Variants in ACACA observed in about 807,000 individuals in gnomAD.
ACACA encodes the protein acetyl-CoA carboxylase alpha.
A neutral mutation model predicts 296.1 loss-of-function variants in ACACA; 103 were observed. The observed-to-expected ratio is 0.35, with a 90% CI of 0.30 to 0.41. The LOEUF is 0.41. Among genes scored for constraint, ACACA ranks in the 10% least tolerant of loss-of-function variants. ACACA has a pLI of 1.00. For synonymous variants in ACACA, 953 were observed against 1,038.6 expected (o/e 0.92, Z 1.58); for missense variants, 1,554 against 2,989.7 (o/e 0.52, Z 11.20).
chr17:37,133,049 C>T (rs1195861258), intron 45 of ACACA, among the ~76,000 whole-genome samples: 2 of 152,166 alleles, frequency 1.3e-5, no homozygotes, highest in Admixed American at 6.6e-5. Flanking sequence ...ATACCAAGAA[C>T]ATTATTTCTG....
At chr17:37,140,707 G>T (rs1343097574) in intron 45 of ACACA, 1 of 207,510 alleles carries the variant, frequency 4.8e-6, no homozygotes, top group South Asian at 1.0e-4. Flanking sequence ...AAGACTTGAT[G>T]AATACAGTCT....
intron 43 of ACACA, among the ~76,000 whole-genome samples, chr17:37,155,243 T>G (rs1301342819): frequency 6.6e-6 from 1 of 152,174 alleles, no homozygotes; most frequent in Non-Finnish European, 1.5e-5. Flanking sequence ...AAGCATCATA[T>G]TCTTAAATAA....
At chr17:37,192,705 C>A (rs1350708366) in intron 36 of ACACA, among the ~76,000 whole-genome samples, 1 of 152,082 alleles carries the variant, frequency 6.6e-6, no homozygotes, top group Non-Finnish European at 1.5e-5. Flanking sequence ...GCTTACCCAA[C>A]TAATCTAAAA....
At chr17:37,339,908 A>G in intron 1 of ACACA, 58 bp from the exon 2 acceptor site, 1 of 897,626 alleles carries the variant, frequency 1.1e-6, no homozygotes, top group Non-Finnish European at 1.8e-6. Flanking sequence ...ACTTTTGTCA[A>G]TTCCTGTTTT....
At chr17:37,129,575 G>A in intron 46 of ACACA, 90 bp from the exon 47 acceptor site, 1 of 1,550,908 alleles carries the variant, frequency 6.4e-7, no homozygotes, top group Non-Finnish European at 8.8e-7. Context: ...AAAGACAGCA[G>A]GGCCCACGTA....
chr17:37,280,007 A>C (rs1265493096), intron 5 of ACACA, among the ~76,000 whole-genome samples: 1 of 152,182 alleles, frequency 6.6e-6, no homozygotes, highest in African/African-American at 2.4e-5. Flanking sequence ...GTGTCTCTGT[A>C]CGGCTGTCCA....
chr17:37,297,435 C>CTT (rs2083396864), intron 3 of ACACA, among the ~76,000 whole-genome samples: 1 of 131,198 alleles, frequency 7.6e-6, no homozygotes, highest in South Asian at 2.3e-4. Flanking sequence ...AAGTGAAACT[C>CTT]TGTCTCGAAA....
intron 52 of ACACA, among the ~76,000 whole-genome samples, chr17:37,100,630 C>CAAAAAAAAAA (rs35888166): frequency 9.5e-6 from 1 of 105,440 alleles, no homozygotes; most frequent in African/African-American, 3.4e-5. Context: ...GACCGCCCCT[C>CAAAAAAAAAA]AAAAAAAAAA....
At chr17:37,124,555 G>A (rs115210102) in intron 48 of ACACA, among the ~76,000 whole-genome samples, 155 of 152,300 alleles carry the variant, frequency 1.0e-3, no homozygotes, top group African/African-American at 3.5e-3. Flanking sequence ...TACAGGAGTC[G>A]AGTATCAGGG....
At chr17:37,147,271 A>G (rs1388919400) in intron 45 of ACACA, among the ~76,000 whole-genome samples, 9 of 152,206 alleles carry the variant, frequency 5.9e-5, no homozygotes, top group Non-Finnish European at 1.2e-4. Flanking sequence ...TCAAAAACAC[A>G]AAGACTTTCT....
chr17:37,102,245 C>T (rs1439297420), intron 52 of ACACA, among the ~76,000 whole-genome samples: 1 of 144,034 alleles, frequency 6.9e-6, no homozygotes, highest in East Asian at 2.1e-4. Context: ...TGCTCTGTCG[C>T]CCAGGCTGGA....
intron 54 of ACACA, among the ~76,000 whole-genome samples, chr17:37,094,803 T>C (rs774969897): frequency 1.7e-4 from 26 of 152,230 alleles, no homozygotes; most frequent in Non-Finnish European, 3.7e-4. Context: ...TCCTTGGCAT[T>C]CCTCTCAGAG....
chr17:37,145,001 C>A (rs1166949461), intron 45 of ACACA, among the ~76,000 whole-genome samples: 3 of 152,162 alleles, frequency 2.0e-5, no homozygotes. Flanking sequence ...TGCTCTCTCT[C>A]CCCAAGTCTG....
At chr17:37,194,603 C>CA (rs1431666574) in intron 35 of ACACA, among the ~76,000 whole-genome samples, 1 of 152,018 alleles carries the variant, frequency 6.6e-6, no homozygotes, top group Non-Finnish European at 1.5e-5. Context: ...TTTGATGAGA[C>CA]AAAAACACAG....
At chr17:37,179,033 A>T (rs1363782238) in intron 41 of ACACA, among the ~76,000 whole-genome samples, 3 of 152,298 alleles carry the variant, frequency 2.0e-5, no homozygotes, top group Admixed American at 6.5e-5. Flanking sequence ...TTATTTTTTT[A>T]AAACTGAGTC....
chr17:37,248,688 G>T lies in ACACA; in HGVS notation c.2082-14C>A, dbSNP rs190034446. The T allele has an allele frequency of 2.5e-6, 4 of 1,572,972 alleles. No individual in the cohort carries two copies. The South Asian group carries it at 3.3e-5, about 13-fold the overall frequency. On this transcript the variant is annotated splice_polypyrimidine_tract_variant and intron_variant, in intron 16 of 55. Coordinates refer to ENST00000616317, the MANE Select transcript of ACACA (RefSeq NM_198834.3). ...AGGACTTGACCCCTGAAAGAACGAT[G>T]AGAGAGGAACTTACTACAAAGTTCT...
intron 3 of ACACA, among the ~76,000 whole-genome samples, chr17:37,298,682 A>G (rs368921202): frequency 8.5e-5 from 13 of 152,154 alleles, no homozygotes; most frequent in East Asian, 5.8e-4. Flanking sequence ...TTTTATGTCA[A>G]TTCTCTGCAG....
At chr17:37,173,162 T>C (rs561923642) in intron 41 of ACACA, among the ~76,000 whole-genome samples, 16 of 152,154 alleles carry the variant, frequency 1.1e-4, no homozygotes, top group Non-Finnish European at 2.1e-4. Context: ...TCATGAGAAA[T>C]GGCCTACCCT....
At position 37,092,264 on chromosome 17, in the gene ACACA, A is replaced by G. The variant is rs140164214; in HGVS notation, c.6892-3190T>C. ...TACCTACTCCAGCAGCCTGGGCAAT[A>G]GAGTGAGACAAAAAAAAAAAAAAAG... On this transcript the variant is annotated intron_variant, in intron 54 of 55. Transcript: ENST00000616317. Among the ~76,000 whole-genome samples the G allele has an allele frequency of 9.2e-5, 13 of 142,030 alleles. No individual in the cohort carries two copies. In the East Asian group the frequency reaches 2.7e-3, roughly 29 times the overall value. The allele number at this position is 142,030 out of a possible 152,430, so 93.2% of individuals were successfully genotyped here.
Sources: gnomAD v4.1 joint callset for allele counts (sites outside exome capture counted in the v4.1 genomes callset) on GRCh38, gnomAD v4.1.1 for gene constraint, MANE v1.5 for transcripts, NCBI Gene and HGNC (gene_info 2026-07-23, HGNC 2026-07-21) for gene names.